Variants in DTWD2 observed in about 807,000 individuals in gnomAD.
DTWD2 encodes tRNA-uridine aminocarboxypropyltransferase 2.
Under a neutral mutation model 31.8 loss-of-function variants are expected in DTWD2, and 39 were observed. That is an observed-to-expected ratio of 1.22 (90% CI 0.95 to 1.60). The LOEUF (loss-of-function observed/expected upper bound fraction) is 1.60. Ranked by LOEUF, DTWD2 falls within the 40% of genes most tolerant of loss-of-function variation. DTWD2 has a pLI of 0.00. For missense variants in DTWD2, 515 were observed against 381.5 expected (o/e 1.35, Z -2.92); for synonymous variants, 180 against 142.8 (o/e 1.26, Z -1.86).
At position 118,912,115 on chromosome 5, in the gene DTWD2, G is replaced by C. The variant is rs546785095; in HGVS notation, c.597+16422C>G. Reference sequence around the variant, plus strand: ...GTAATTACTCTCACAGAGACATAACGTAAGCTAGCAGAAGCCTGACTCAAA... The same window carrying C: ...GTAATTACTCTCACAGAGACATAACCTAAGCTAGCAGAAGCCTGACTCAAA... On this transcript the variant is annotated intron_variant, in intron 4 of 5. Transcript: ENST00000510708. Among the ~76,000 whole-genome samples, 64 of 152,306 alleles carry C rather than the reference G, an allele frequency of 4.2e-4. 1 individual carries two copies. Among genetic ancestry groups the C allele is most frequent in the Admixed American group, 1.2e-3 (18 of 15,306 alleles).
At chr5:118,865,908 A>G (rs1752370267) in intron 4 of DTWD2, among the ~76,000 whole-genome samples, 1 of 152,152 alleles carries the variant, frequency 6.6e-6, no homozygotes, top group Admixed American at 6.5e-5. Context: ...GTAGACCTTA[A>G]TATCATCAAA....
rs1171014159 is a variant in DTWD2, at chr5:118,900,578, A to G, written c.597+27959T>C. On this transcript the variant is annotated intron_variant, in intron 4 of 5. Coordinates refer to ENST00000510708, the MANE Select transcript of DTWD2 (RefSeq NM_173666.4). ...AAAAGATAAAGTATTTTGTCTTAAG[A>G]TAGACTGGATAACAGAGCTAATAGA... Among the ~76,000 whole-genome samples, 6 of 152,248 alleles carry G rather than the reference A, an allele frequency of 3.9e-5. No homozygotes were observed. In the East Asian group the frequency reaches 1.2e-3, roughly 29 times the overall value.
intron 1 of DTWD2, among the ~76,000 whole-genome samples, chr5:118,967,786 G>A (rs299201): frequency 0.76 from 115,887 of 152,070 alleles, 45,077 homozygotes; most frequent in East Asian, 0.99. Context: ...GGAAAATAGA[G>A]AATCACCATC....
chr5:118,934,914 G>A (rs1449839780), intron 3 of DTWD2, among the ~76,000 whole-genome samples: 2 of 152,132 alleles, frequency 1.3e-5, no homozygotes, highest in Non-Finnish European at 2.9e-5. Context: ...TATATATTTG[G>A]TCTTCTTTCC....
chr5:118,934,199 C>T (rs1403646834), intron 3 of DTWD2, among the ~76,000 whole-genome samples: 1 of 140,636 alleles, frequency 7.1e-6, no homozygotes, highest in Non-Finnish European at 1.5e-5. Context: ...CTTTGGGAGG[C>T]CAAAGCAGGT....
intron 4 of DTWD2, among the ~76,000 whole-genome samples, chr5:118,870,847 T>TC (rs1052536605): frequency 6.6e-6 from 1 of 151,858 alleles, no homozygotes; most frequent in Non-Finnish European, 1.5e-5. Flanking sequence ...CTTCTTTTTT[T>TC]CCACAGTAAA....
rs1751647711 is a variant in DTWD2 at position 118,839,156 on chromosome 5, C to T, written c.*1761G>A. 1 of 143,854 alleles carries T rather than the reference C, an allele frequency of 7.0e-6. No homozygotes were observed. Among genetic ancestry groups the T allele is most frequent in the Non-Finnish European group, 1.5e-5 (1 of 67,932 alleles). 8.9% of individuals were successfully genotyped at this position (143,854 alleles called of 1,614,324 possible). ...CAGCCTGGGCGACAGAGCGAGATTCCATCTCAAATAATAATAATAATAATA... is the reference window on the plus strand; with the variant it reads ...CAGCCTGGGCGACAGAGCGAGATTCTATCTCAAATAATAATAATAATAATA... On this transcript the variant is annotated 3_prime_UTR_variant, in exon 6 of 6. Transcript: ENST00000510708.
chr5:118,984,418 G>A (rs1016642637), intron 1 of DTWD2, among the ~76,000 whole-genome samples: 21 of 150,198 alleles, frequency 1.4e-4, no homozygotes, highest in Non-Finnish European at 2.4e-4. Context: ...CTGAGATTGC[G>A]CCACTGCAAT....
intron 2 of DTWD2, among the ~76,000 whole-genome samples, chr5:118,939,938 G>A (rs190733046): frequency 2.0e-5 from 3 of 152,190 alleles, no homozygotes; most frequent in Admixed American, 1.3e-4. Flanking sequence ...ATAAATAAAT[G>A]GGGGAGAAGA....
chr5:118,854,801 T>A (rs1752092489), intron 4 of DTWD2, among the ~76,000 whole-genome samples: 1 of 152,190 alleles, frequency 6.6e-6, no homozygotes, highest in Non-Finnish European at 1.5e-5. Context: ...TTCTAAAATA[T>A]TTCACATTCT....
At chr5:118,936,771 T>G (rs943240952) in intron 3 of DTWD2, among the ~76,000 whole-genome samples, 1 of 147,328 alleles carries the variant, frequency 6.8e-6, no homozygotes, top group Non-Finnish European at 1.5e-5. Context: ...CAATAAAGAG[T>G]AGAAATCAAT....
chr5:118,916,752 GGAA>G (rs1753587787), intron 4 of DTWD2, among the ~76,000 whole-genome samples: 1 of 151,676 alleles, frequency 6.6e-6, no homozygotes, highest in Non-Finnish European at 1.5e-5. Context: ...AATTTAATGT[GGAA>G]GAAGCTTTCC....
At chr5:118,944,501 G>T in intron 2 of DTWD2, 58 bp downstream of exon 2, 1 of 1,503,936 alleles carries the variant, frequency 6.6e-7, no homozygotes, top group Admixed American at 1.8e-5. Flanking sequence ...GTTTATCTTC[G>T]TGTTTCCTCT....
At chr5:118,846,492 A>T (rs1204811340) in intron 5 of DTWD2, among the ~76,000 whole-genome samples, 2 of 152,176 alleles carry the variant, frequency 1.3e-5, no homozygotes, top group Non-Finnish European at 2.9e-5. Flanking sequence ...TAGCTAAGGA[A>T]TATACTTTTC....
chr5:118,901,057 T>C (rs1359034509), intron 4 of DTWD2, among the ~76,000 whole-genome samples: 1 of 151,920 alleles, frequency 6.6e-6, no homozygotes, highest in Non-Finnish European at 1.5e-5. Context: ...ATATTTTATA[T>C]TCTGCAAAGA....
At chr5:118,871,501 G>C (rs1752503640) in intron 4 of DTWD2, among the ~76,000 whole-genome samples, 2 of 152,182 alleles carry the variant, frequency 1.3e-5, no homozygotes, top group South Asian at 2.1e-4. Flanking sequence ...TTTACTCCTT[G>C]ATCCACGGCT....
chr5:118,882,999 A>C (rs1346128893), intron 4 of DTWD2, among the ~76,000 whole-genome samples: 1 of 152,248 alleles, frequency 6.6e-6, no homozygotes, highest in Non-Finnish European at 1.5e-5. Flanking sequence ...CAAATTTTCC[A>C]AACCTTTATG....
At chr5:118,886,481 T>C (rs1240728634) in intron 4 of DTWD2, among the ~76,000 whole-genome samples, 2 of 152,192 alleles carry the variant, frequency 1.3e-5, no homozygotes, top group Non-Finnish European at 2.9e-5. Flanking sequence ...GGAAATGCAG[T>C]TGAAAACTGG....
chr5:118,863,668 A>T (rs978870729), intron 4 of DTWD2, among the ~76,000 whole-genome samples: 11 of 152,202 alleles, frequency 7.2e-5, no homozygotes, highest in African/African-American at 2.7e-4. Context: ...TTTTGGACAT[A>T]GAAGACATGC....
Sources: gnomAD v4.1 joint callset for allele counts (sites outside exome capture counted in the v4.1 genomes callset) on GRCh38, gnomAD v4.1.1 for gene constraint, MANE v1.5 for transcripts, NCBI Gene and HGNC (gene_info 2026-07-23, HGNC 2026-07-21) for gene names.